Variants in CRB1 observed in about 807,000 individuals in gnomAD.
The protein encoded by CRB1 is crumbs cell polarity complex component 1, also known as protein crumbs homolog 1.
Under a neutral mutation model 120.0 loss-of-function variants are expected in CRB1, and 83 were observed. That is an observed-to-expected ratio of 0.69 (90% CI 0.58 to 0.83). The LOEUF (loss-of-function observed/expected upper bound fraction) is 0.83, where lower values mean the gene tolerates loss of function less well. Ranked by LOEUF, CRB1 falls within the 40% of genes least tolerant of loss-of-function variation. The pLI, the probability that CRB1 is intolerant of heterozygous loss-of-function variation, is 0.00. For synonymous variants in CRB1, 625 were observed against 612.5 expected (o/e 1.02, Z -0.30); for missense variants, 1,699 against 1,687.6 (o/e 1.01, Z -0.12).
At position 197,421,838 on chromosome 1, in the gene CRB1, T is replaced by C. The variant is rs201949837; in HGVS notation, c.2010T>C (p.Cys670=). The C allele has an allele frequency of 2.0e-5, 33 of 1,614,196 alleles. No homozygotes were observed. The East Asian group carries it at 7.1e-4, about 35-fold the overall frequency. Reference sequence around the variant, plus strand: ...CATCATTAAATGTCAAGGCAGGCTGTGTGAGAAAGGATTGGTGTGAAAGCC... The same window carrying C: ...CATCATTAAATGTCAAGGCAGGCTGCGTGAGAAAGGATTGGTGTGAAAGCC... ...SGSSLNVKAG[C]VRKDWCESQP... Residue 670 remains cysteine, a synonymous_variant, in exon 6 of 12, where the codon TGT becomes TGC. Coordinates refer to ENST00000367400, the MANE Select transcript of CRB1 (RefSeq NM_201253.3).
At chr1:197,444,709 G>A (rs907374898) in intron 11 of CRB1, 5 of 152,120 alleles carry the variant, frequency 3.3e-5, no homozygotes, top group Non-Finnish European at 7.3e-5. Context: ...TAAGGTATCT[G>A]ACTTTAAAAA....
At chr1:197,336,714 CT>C (rs1260602005) in intron 2 of CRB1, among the ~76,000 whole-genome samples, 1 of 152,110 alleles carries the variant, frequency 6.6e-6, no homozygotes, top group Non-Finnish European at 1.5e-5. Context: ...GTAAAAGTGA[CT>C]AAGATAAAAT....
chr1:197,426,888 T>C (rs564428761), intron 6 of CRB1, among the ~76,000 whole-genome samples: 1 of 152,326 alleles, frequency 6.6e-6, no homozygotes, highest in African/African-American at 2.4e-5. Flanking sequence ...GTTATGTAAC[T>C]AGCCTAAATC....
At chr1:197,269,372 G>T (rs2125195350) in intron 1 of CRB1, among the ~76,000 whole-genome samples, 1 of 152,306 alleles carries the variant, frequency 6.6e-6, no homozygotes, top group South Asian at 2.1e-4. Context: ...TACTTGTACG[G>T]TTTACAGTTG....
intron 4 of CRB1, among the ~76,000 whole-genome samples, chr1:197,348,505 C>T (rs1393297230): frequency 2.6e-5 from 4 of 152,100 alleles, no homozygotes; most frequent in African/African-American, 9.7e-5. Context: ...GAAACGGAGT[C>T]TCTCTCTGTC....
intron 6 of CRB1, 110 bp downstream of exon 6, chr1:197,422,066 A>C: frequency 2.0e-6 from 2 of 988,400 alleles, no homozygotes; most frequent in Non-Finnish European, 3.1e-6. Context: ...ATGACCCCAC[A>C]AGACTTCTGC....
chr1:197,272,572 A>G (rs890646240), intron 1 of CRB1, among the ~76,000 whole-genome samples: 3 of 152,104 alleles, frequency 2.0e-5, no homozygotes, highest in Admixed American at 6.5e-5. Context: ...TGCTACATCT[A>G]TATAATGGAA....
At position 197,354,425 on chromosome 1, in the gene CRB1, A is replaced by C. The variant is rs140857514; in HGVS notation, c.989-2406A>C. On this transcript the variant is annotated intron_variant, in intron 4 of 11. Coordinates refer to ENST00000367400, the MANE Select transcript of CRB1 (RefSeq NM_201253.3). ...CTCGCAGTGAGTGTTACAGTTCTTA[A>C]AGATGGGGTGTCCGCAGTCTGTTCT... Among the ~76,000 whole-genome samples, 110 of 152,250 alleles carry C rather than the reference A, an allele frequency of 7.2e-4. No homozygotes were observed. The East Asian group carries it at 0.02, about 28-fold the overall frequency.
the CRB1 span, among the ~76,000 whole-genome samples, chr1:197,256,701 C>A: frequency 6.6e-6 from 1 of 151,650 alleles, no homozygotes; most frequent in Non-Finnish European, 1.5e-5. Flanking sequence ...CTCCTTTATT[C>A]TACTTCTCTC....
intron 11 of CRB1, among the ~76,000 whole-genome samples, chr1:197,455,970 A>C (rs1347010393): frequency 6.6e-6 from 1 of 152,030 alleles, no homozygotes; most frequent in Non-Finnish European, 1.5e-5. Flanking sequence ...TTTGCAATGA[A>C]AGTTATTTGA....
At chr1:197,248,976 A>G in the CRB1 span, among the ~76,000 whole-genome samples, 64 of 152,090 alleles carry the variant, frequency 4.2e-4, 1 homozygote, top group African/African-American at 3.4e-4. Context: ...TATAAAACAT[A>G]TCTAACTCAC....
intron 2 of CRB1, among the ~76,000 whole-genome samples, chr1:197,331,921 T>C (rs192681205): frequency 1.3e-5 from 2 of 152,232 alleles, no homozygotes; most frequent in East Asian, 1.9e-4. Flanking sequence ...ACGCCTGTAA[T>C]CCCAGCACTT....
intron 7 of CRB1, chr1:197,429,212 T>A: frequency 6.7e-7 from 1 of 1,489,670 alleles, no homozygotes; most frequent in Non-Finnish European, 8.9e-7. Flanking sequence ...CTCCTTGTGC[T>A]ATGGATCAAT....
At chr1:197,287,843 GTAGGTGGGACTGGAT>G (rs1315705968) in intron 1 of CRB1, among the ~76,000 whole-genome samples, 1 of 151,818 alleles carries the variant, frequency 6.6e-6, no homozygotes, top group East Asian at 1.9e-4. Flanking sequence ...GCAAGATGGA[GTAGGTGGGACTGGAT>G]TCACCCTCCA....
chr1:197,386,855 T>A (rs957051691), intron 5 of CRB1, among the ~76,000 whole-genome samples: 2 of 152,182 alleles, frequency 1.3e-5, no homozygotes, highest in Admixed American at 6.6e-5. Context: ...GCTTTTATCC[T>A]AGTAACTGTC....
chr1:197,343,454 CT>C (rs1329638211), intron 2 of CRB1, among the ~76,000 whole-genome samples: 1 of 151,840 alleles, frequency 6.6e-6, no homozygotes, highest in Non-Finnish European at 1.5e-5. Context: ...CAAATAATAC[CT>C]ACTAATTTTG....
At chr1:197,400,892 C>T (rs1041369147) in intron 5 of CRB1, among the ~76,000 whole-genome samples, 4 of 152,020 alleles carry the variant, frequency 2.6e-5, no homozygotes, top group African/African-American at 9.7e-5. Flanking sequence ...AAATTCTAAT[C>T]GCACACCTAA....
At chr1:197,302,703 A>G (rs1656940478) in intron 1 of CRB1, among the ~76,000 whole-genome samples, 1 of 152,214 alleles carries the variant, frequency 6.6e-6, no homozygotes, top group South Asian at 2.1e-4. Context: ...TATTTATGCC[A>G]TAAAGTCGAT....
chr1:197,292,390 C>T (rs947415724), intron 1 of CRB1, among the ~76,000 whole-genome samples: 3 of 152,110 alleles, frequency 2.0e-5, no homozygotes, highest in African/African-American at 7.2e-5. Flanking sequence ...AGACCAATAA[C>T]AGGCTCTGAA....
Sources: allele counts gnomAD v4.1 joint callset (sites outside exome capture counted in the v4.1 genomes callset), GRCh38; gene constraint gnomAD v4.1.1; transcripts MANE v1.5; gene names NCBI Gene and HGNC (gene_info 2026-07-23, HGNC 2026-07-21).